Variants in ALK observed in about 807,000 individuals in gnomAD.
ALK encodes the protein ALK receptor tyrosine kinase.
Under a neutral mutation model 163.1 loss-of-function variants are expected in ALK, and 74 were observed. The ratio of observed to expected loss-of-function variants is 0.45; its 90% CI spans 0.38 to 0.55. The LOEUF (loss-of-function observed/expected upper bound fraction) is 0.55, where lower values mean the gene tolerates loss of function less well. Among genes scored for constraint, ALK ranks in the 20% least tolerant of loss-of-function variants. ALK has a pLI of 0.00. For synonymous variants in ALK, 960 were observed against 843.2 expected, an observed-to-expected ratio of 1.14 and a Z score of -2.40; for missense variants, 2,063 against 2,105.3, an observed-to-expected ratio of 0.98 and a Z score of 0.39.
chr2:29,718,319 G>A (rs116269168), intron 1 of ALK, among the ~76,000 whole-genome samples: 2,519 of 152,304 alleles, frequency 0.017, 29 homozygotes, highest in Middle Eastern at 0.048. Flanking sequence ...CAGCAGAGAA[G>A]CATTATTCCT....
At chr2:29,660,746 C>T (rs1353356973) in intron 3 of ALK, among the ~76,000 whole-genome samples, 1 of 152,002 alleles carries the variant, frequency 6.6e-6, no homozygotes, top group African/African-American at 2.4e-5. Flanking sequence ...CCATGGAAAG[C>T]TGGAATGTGC....
chr2:29,842,950 T>C (rs1294588870), intron 1 of ALK, among the ~76,000 whole-genome samples: 2 of 152,182 alleles, frequency 1.3e-5, no homozygotes, highest in Non-Finnish European at 2.9e-5. Flanking sequence ...GCAAATGCTC[T>C]AGCATAAAGG....
intron 1 of ALK, among the ~76,000 whole-genome samples, chr2:29,821,784 G>C (rs1444304822): frequency 6.6e-6 from 1 of 152,128 alleles, no homozygotes; most frequent in African/African-American, 2.4e-5. Flanking sequence ...GGAAGAGAAG[G>C]GAAACTCAAT....
chr2:29,400,330 C>T (rs1010343514), intron 4 of ALK, among the ~76,000 whole-genome samples: 1 of 152,142 alleles, frequency 6.6e-6, no homozygotes, highest in African/African-American at 2.4e-5. Context: ...TTTGAATATC[C>T]TGGGGTGACA....
At position 29,320,611 on chromosome 2, in the gene ALK, G is replaced by A; in HGVS notation, c.1546+140C>T. The A allele has an allele frequency of 3.4e-6, 4 of 1,162,456 alleles. No homozygotes were observed. The South Asian group carries it at 4.9e-5, about 14-fold the overall frequency. 72.0% of individuals were successfully genotyped at this position (1,162,456 alleles called of 1,614,324 possible). On this transcript the variant is annotated intron_variant, in intron 7 of 28. Transcript: ENST00000389048. ...AAGCCCAAGGTGTGAAGAGGGAATT[G>A]TGTGTGAACGCTCTAGGCAAGCTTT...
chr2:29,479,939 A>G (rs1363965325), intron 4 of ALK, among the ~76,000 whole-genome samples: 1 of 152,224 alleles, frequency 6.6e-6, no homozygotes, highest in African/African-American at 2.4e-5. Context: ...CCAGACACAT[A>G]ACTCAAAGTT....
intron 9 of ALK, among the ~76,000 whole-genome samples, chr2:29,289,944 G>A (rs1399422987): frequency 6.6e-6 from 1 of 152,212 alleles, no homozygotes; most frequent in Non-Finnish European, 1.5e-5. Context: ...GTTCTGTGAT[G>A]CCGTGGTCTT....
At chr2:29,701,839 G>A (rs1678747679) in intron 2 of ALK, among the ~76,000 whole-genome samples, 1 of 152,150 alleles carries the variant, frequency 6.6e-6, no homozygotes, top group African/African-American at 2.4e-5. Flanking sequence ...GAGAAGTGAA[G>A]TCACATCTGA....
intron 26 of ALK, among the ~76,000 whole-genome samples, chr2:29,200,576 G>T (rs1457239896): frequency 6.6e-6 from 1 of 151,410 alleles, no homozygotes; most frequent in African/African-American, 2.4e-5. Flanking sequence ...TGACCATTTT[G>T]TATTTTATCT....
At chr2:29,296,784 C>T (rs1001770025) in intron 9 of ALK, 104 bp downstream of exon 9, 62 of 1,389,880 alleles carry the variant, frequency 4.5e-5, no homozygotes, top group South Asian at 3.9e-4. Flanking sequence ...GGCACATCTG[C>T]ATGTGTGTCT....
Position 29,920,713 on chromosome 2 carries a change from T to C in ALK, c.-54A>G. 6.9e-7 allele frequency: 1 copy of C among 1,456,204 alleles called. No individual in the cohort carries two copies. The highest frequency in any genetic ancestry group is 2.0e-5 in the Admixed American group (1 of 50,164). 90.2% of individuals were successfully genotyped at this position (1,456,204 alleles called of 1,614,324 possible). A position where few individuals can be genotyped will look rare whatever the true frequency, so the allele number is the denominator to read the frequency against. On this transcript the variant is annotated 5_prime_UTR_variant, in exon 1 of 29. Transcript: ENST00000389048. The stretch of plus-strand genomic sequence containing the variant: ...CTCCGGGCCCAGCCTCACCCTTCGC[T>C]CTCCCCGAGATGGGAAGAGGCTCTG...
intron 1 of ALK, among the ~76,000 whole-genome samples, chr2:29,905,552 G>A (rs570532921): frequency 8.7e-4 from 131 of 151,382 alleles, no homozygotes; most frequent in Non-Finnish European, 1.5e-3. Context: ...GGAGGGAAAG[G>A]GAAAAGGAAA....
At chr2:29,305,002 T>C (rs1005956526) in intron 8 of ALK, among the ~76,000 whole-genome samples, 2 of 152,226 alleles carry the variant, frequency 1.3e-5, no homozygotes, top group Admixed American at 1.3e-4. Context: ...GGGTAGGTCC[T>C]GGGCATCGGC....
At chr2:29,367,389 TA>T (rs1668532911) in intron 5 of ALK, among the ~76,000 whole-genome samples, 1 of 152,224 alleles carries the variant, frequency 6.6e-6, no homozygotes, top group Non-Finnish European at 1.5e-5. Context: ...TGTAGAACCA[TA>T]ATGTCTTTGG....
intron 5 of ALK, among the ~76,000 whole-genome samples, chr2:29,336,658 C>T (rs1392054764): frequency 6.6e-6 from 1 of 152,238 alleles, no homozygotes; most frequent in Non-Finnish European, 1.5e-5. Flanking sequence ...ACCCATGCAT[C>T]CTCTGCTCTT....
intron 1 of ALK, among the ~76,000 whole-genome samples, chr2:29,738,507 A>T (rs1158948112): frequency 6.6e-6 from 1 of 152,096 alleles, no homozygotes; most frequent in Non-Finnish European, 1.5e-5. Flanking sequence ...CTGAGTGGTG[A>T]TAACACAGCC....
At chr2:29,241,923 G>A (rs187308780) in intron 12 of ALK, among the ~76,000 whole-genome samples, 1 of 152,250 alleles carries the variant, frequency 6.6e-6, no homozygotes, top group East Asian at 1.9e-4. Context: ...TCCCCTCTTA[G>A]AGGTCATTTC....
chr2:29,836,136 A>G (rs1019248610), intron 1 of ALK, among the ~76,000 whole-genome samples: 3 of 152,132 alleles, frequency 2.0e-5, no homozygotes, highest in African/African-American at 7.2e-5. Flanking sequence ...CAATGTTCCC[A>G]GGGAGCACTT....
intron 4 of ALK, among the ~76,000 whole-genome samples, chr2:29,510,890 G>C (rs886137232): frequency 2.0e-5 from 3 of 152,152 alleles, no homozygotes; most frequent in Non-Finnish European, 4.4e-5. Flanking sequence ...TACCACTCAT[G>C]TTCTCTAGCT....
Sources: gnomAD v4.1 joint callset for allele counts (sites outside exome capture counted in the v4.1 genomes callset) on GRCh38, gnomAD v4.1.1 for gene constraint, MANE v1.5 for transcripts, NCBI Gene and HGNC (gene_info 2026-07-23, HGNC 2026-07-21) for gene names.